Variants in HMCN1 observed in about 807,000 individuals in gnomAD.
HMCN1 encodes hemicentin-1.
HMCN1 carries 321 observed loss-of-function variants against 625.9 expected under a neutral mutation model. The observed-to-expected ratio is 0.51, with a 90% CI of 0.47 to 0.56. The LOEUF is 0.56. HMCN1 is among the 20% of genes least tolerant of loss of function. The probability of loss-of-function intolerance (pLI) is 0.00; values close to 1 mark genes in which losing one functional copy is unlikely to be tolerated. For missense variants in HMCN1, 6,588 were observed against 6,887.3 expected (o/e 0.96, Z 1.54); for synonymous variants, 2,425 against 2,417.6 (o/e 1.00, Z -0.09).
In HMCN1 at chr1:186,076,522, T is replaced by C; in HGVS notation, c.8385T>C (p.Ile2795=). The C allele has an allele frequency of 6.2e-7, 1 of 1,613,824 alleles. No individual in the cohort carries two copies. The highest frequency in any genetic ancestry group is 1.3e-5 in the African/African-American group (1 of 75,050). ...AAGATGTGATCATCAACAATCCCAT[T>C]TCTCTTTACTGTGAGACAAATGCTG... The part of the protein sequence containing the change: ...EAKDVIINNP[I]SLYCETNAAP... The change falls in exon 54 of 107, where the codon ATT becomes ATC. Residue 2795 remains isoleucine, a synonymous_variant. Transcript: ENST00000271588.
At position 186,019,712 on chromosome 1, in the gene HMCN1, C is replaced by T. The variant is rs1654594532; in HGVS notation, c.5625+17C>T. 1.2e-6 allele frequency: 2 copies of T among 1,603,942 alleles called. No homozygotes were observed. Among genetic ancestry groups the T allele is most frequent in the African/African-American group, 1.3e-5 (1 of 74,794 alleles). On this transcript the variant is annotated intron_variant, in intron 35 of 106. Coordinates refer to ENST00000271588, the MANE Select transcript of HMCN1 (RefSeq NM_031935.3). Reference sequence around the variant, plus strand: ...AACCTTAAAGTAAGTGTAAATATTACTCAGCCTAAACTGGGAAAGCTACAT... The same window carrying T: ...AACCTTAAAGTAAGTGTAAATATTATTCAGCCTAAACTGGGAAAGCTACAT...
chr1:185,953,137 G>A (rs995935419), intron 11 of HMCN1, among the ~76,000 whole-genome samples: 1 of 151,476 alleles, frequency 6.6e-6, no homozygotes, highest in Non-Finnish European at 1.5e-5. Context: ...AGGAGAAGGG[G>A]TTGAGGGGTA....
At chr1:186,039,606 C>T in intron 38 of HMCN1, 122 bp from the exon 39 acceptor site, 1 of 1,052,214 alleles carries the variant, frequency 9.5e-7, no homozygotes, top group South Asian at 1.3e-5. Flanking sequence ...AAAGAACTTA[C>T]CAAAAAACAA....
intron 1 of HMCN1, among the ~76,000 whole-genome samples, chr1:185,786,089 C>A: frequency 6.6e-6 from 1 of 152,104 alleles, no homozygotes; most frequent in African/African-American, 2.4e-5. Context: ...TAGAGATTAA[C>A]AAAAAGATGT....
In HMCN1 at chr1:186,151,296, A is replaced by T; in HGVS notation, c.14705A>T (p.Asn4902Ile). 6.2e-7 allele frequency: 1 copy of T among 1,613,616 alleles called. No individual in the cohort carries two copies. The highest frequency in any genetic ancestry group is 8.5e-7 in the Non-Finnish European group (1 of 1,179,580). ...AATGCCACAATAACTGATAGCCCTA[A>T]CTCTGATACTAGAATAATACGTGCC... The part of the protein sequence containing the change: ...FLNATITDSP[N>I]SDTRIIRAKI... Residue 4902 changes from asparagine (N) to isoleucine (I), a missense_variant, in exon 94 of 107, where the codon AAC becomes ATC. By Grantham distance (149) the Asn-to-Ile change is moderately radical. Transcript: ENST00000271588.
intron 36 of HMCN1, among the ~76,000 whole-genome samples, chr1:186,033,402 A>G (rs1200028580): frequency 2.6e-5 from 4 of 152,306 alleles, no homozygotes; most frequent in African/African-American, 7.2e-5. Context: ...GAACTTATCC[A>G]TGTAACCAAA....
At chr1:186,039,589 A>C in intron 38 of HMCN1, 139 bp from the exon 39 acceptor site, 1 of 815,152 alleles carries the variant, frequency 1.2e-6, no homozygotes, top group Non-Finnish European at 2.1e-6. Flanking sequence ...TAAATAAGAG[A>C]GATGTGAAAG....
chr1:186,066,888 T>C (rs1219398597), intron 49 of HMCN1, among the ~76,000 whole-genome samples: 1 of 152,180 alleles, frequency 6.6e-6, no homozygotes, highest in East Asian at 1.9e-4. Context: ...CATTCCCAGA[T>C]GTTTAATTAT....
chr1:186,148,701 TTCACCA>T (rs1650481773), intron 93 of HMCN1, among the ~76,000 whole-genome samples: 1 of 152,060 alleles, frequency 6.6e-6, no homozygotes, highest in African/African-American at 2.4e-5. Context: ...GAGACAGGGT[TTCACCA>T]TGTTGGCCAG....
At chr1:186,025,674 T>C (rs1167619875) in intron 36 of HMCN1, among the ~76,000 whole-genome samples, 1 of 152,138 alleles carries the variant, frequency 6.6e-6, no homozygotes, top group Non-Finnish European at 1.5e-5. Context: ...AACTTGAATA[T>C]TATAGCAAAA....
chr1:186,176,517 G>C (rs17532100), intron 103 of HMCN1, among the ~76,000 whole-genome samples: 14,303 of 152,098 alleles, frequency 0.094, 795 homozygotes, highest in Non-Finnish European at 0.13. Context: ...TGTTTCTACT[G>C]TTCACAGCTT....
intron 40 of HMCN1, among the ~76,000 whole-genome samples, chr1:186,044,161 A>G (rs1166900695): frequency 6.6e-6 from 1 of 152,182 alleles, no homozygotes; most frequent in Non-Finnish European, 1.5e-5. Flanking sequence ...CAGAATAATC[A>G]TGTATCTTTT....
chr1:185,856,487 C>CA (rs58320542), intron 2 of HMCN1, among the ~76,000 whole-genome samples: 32,887 of 102,400 alleles, frequency 0.32, 4,131 homozygotes, highest in Non-Finnish European at 0.36. Context: ...GACCCTGTCT[C>CA]AAAAAAAAAA....
At chr1:186,151,778 T>C (rs1236285509) in intron 95 of HMCN1, 35 bp downstream of exon 95, 1 of 1,603,326 alleles carries the variant, frequency 6.2e-7, no homozygotes, top group South Asian at 1.1e-5. Flanking sequence ...TCTATTACTA[T>C]AAAAAGTGCC....
intron 75 of HMCN1, among the ~76,000 whole-genome samples, chr1:186,116,082 A>G (rs1661122081): frequency 6.6e-6 from 1 of 152,136 alleles, no homozygotes. Flanking sequence ...CAATTCCAAT[A>G]CATCAGGAAA....
chr1:186,144,503 G>C, intron 90 of HMCN1, 30 bp from the exon 91 acceptor site: 1 of 1,614,034 alleles, frequency 6.2e-7, no homozygotes, highest in Non-Finnish European at 8.5e-7. Context: ...TAGGTAGTAA[G>C]AAAGCATGTA....
rs201305405 is a variant in HMCN1, at chr1:186,152,859, A to G, written c.15006A>G (p.Glu5002=). 1 of 1,613,882 alleles carries G rather than the reference A, an allele frequency of 6.2e-7. No homozygotes were observed. The highest frequency in any genetic ancestry group is 1.3e-5 in the African/African-American group (1 of 75,034). Residue 5002 remains glutamate, a synonymous_variant, in exon 96 of 107, where the codon GAA becomes GAG. Transcript: ENST00000271588. ...GYVLQLQSPA[E]VTVKDYTEDY... ...TCCTACAGCTTCAGTCACCTGCTGA[A>G]GTCACTGTAAAGGTAAAATGCCAGG... is the stretch of plus-strand genomic sequence containing the variant.
At chr1:185,939,984 T>G (rs2102509077) in intron 11 of HMCN1, among the ~76,000 whole-genome samples, 1 of 152,288 alleles carries the variant, frequency 6.6e-6, no homozygotes, top group African/African-American at 2.4e-5. Context: ...ATTAAAAAGT[T>G]GAGCTCTAAA....
rs555227221 is a variant in HMCN1 at position 186,189,430 on chromosome 1, T to C, written c.16542-82T>C. ...CCTACTGCATGCAGTGCCTAAAAGT[T>C]GTCATGGATCATGATCACCTATATC... On this transcript the variant is annotated intron_variant, in intron 106 of 106. Transcript: ENST00000271588. The C allele has an allele frequency of 2.6e-6, 4 of 1,522,088 alleles. No individual in the cohort carries two copies. In the African/African-American group the frequency reaches 4.1e-5, roughly 16 times the overall value. 94.3% of individuals were successfully genotyped at this position (1,522,088 alleles called of 1,614,324 possible).
Sources: allele counts gnomAD v4.1 joint callset (sites outside exome capture counted in the v4.1 genomes callset), GRCh38; gene constraint gnomAD v4.1.1; transcripts MANE v1.5; gene names NCBI Gene and HGNC (gene_info 2026-07-23, HGNC 2026-07-21).